PLCXD3: variants seen among roughly 807,000 people sequenced by gnomAD.
The protein encoded by PLCXD3 is PI-PLC X domain-containing protein 3.
In PLCXD3, 19 loss-of-function variants were observed where a neutral mutation model predicts 25.5. The ratio of observed to expected loss-of-function variants is 0.75; its 90% confidence interval spans 0.52 to 1.09. The LOEUF (loss-of-function observed/expected upper bound fraction) is 1.09, where lower values mean the gene tolerates loss of function less well. Among genes scored for constraint, PLCXD3 ranks in the 50% least tolerant of loss-of-function variants. The probability of loss-of-function intolerance (pLI) is 0.00; values close to 1 mark genes in which losing one functional copy is unlikely to be tolerated. For synonymous variants in PLCXD3, 174 were observed against 137.6 expected (o/e 1.26, Z -1.85); for missense variants, 411 against 388.1 (o/e 1.06, Z -0.50).
At chr5:41,460,996 T>C (rs13362509) in intron 1 of PLCXD3, among the ~76,000 whole-genome samples, 2,337 of 152,090 alleles carry the variant, frequency 0.015, 56 homozygotes, top group African/African-American at 0.054. Context: ...ATATTCTCAG[T>C]AGTGTTGAAT....
At chr5:41,424,611 C>A (rs1206286286) in intron 1 of PLCXD3, among the ~76,000 whole-genome samples, 1 of 152,278 alleles carries the variant, frequency 6.6e-6, no homozygotes, top group Non-Finnish European at 1.5e-5. Context: ...TTGATATCTA[C>A]TTTTGCTGTC....
intron 1 of PLCXD3, among the ~76,000 whole-genome samples, chr5:41,422,231 G>T (rs763649693): frequency 4.6e-5 from 7 of 152,114 alleles, no homozygotes; most frequent in Non-Finnish European, 8.8e-5. Flanking sequence ...ATCCCTGACT[G>T]TTTTTTCACA....
intron 1 of PLCXD3, among the ~76,000 whole-genome samples, chr5:41,478,861 G>C (rs894350457): frequency 2.0e-5 from 3 of 152,174 alleles, no homozygotes; most frequent in Non-Finnish European, 2.9e-5. Context: ...GGGGAAGCAA[G>C]CACCTTCTTC....
At chr5:41,342,256 TTAC>T (rs983576029) in intron 2 of PLCXD3, among the ~76,000 whole-genome samples, 5 of 152,220 alleles carry the variant, frequency 3.3e-5, no homozygotes, top group African/African-American at 1.2e-4. Flanking sequence ...TGCCAAATGG[TTAC>T]TGCCTGCCAG....
At chr5:41,454,141 C>T (rs1747698791) in intron 1 of PLCXD3, among the ~76,000 whole-genome samples, 1 of 151,924 alleles carries the variant, frequency 6.6e-6, no homozygotes, top group African/African-American at 2.4e-5. Context: ...AATGTCCATT[C>T]ACAACCTCAG....
chr5:41,399,723 C>T (rs1050220100), intron 1 of PLCXD3, among the ~76,000 whole-genome samples: 3 of 152,052 alleles, frequency 2.0e-5, no homozygotes, highest in African/African-American at 7.2e-5. Context: ...AAATCTAAGA[C>T]CTAAAACTAT....
intron 1 of PLCXD3, among the ~76,000 whole-genome samples, chr5:41,500,736 A>T (rs948284401): frequency 1.3e-5 from 2 of 151,928 alleles, no homozygotes; most frequent in Non-Finnish European, 2.9e-5. Context: ...AACTACATCT[A>T]ACTAAAAAGC....
chr5:41,389,604 G>A (rs1387478457), intron 1 of PLCXD3, among the ~76,000 whole-genome samples: 2 of 152,098 alleles, frequency 1.3e-5, no homozygotes, highest in Non-Finnish European at 2.9e-5. Flanking sequence ...CATGCATATG[G>A]GGATTCTGTC....
At chr5:41,424,548 A>G (rs1746906410) in intron 1 of PLCXD3, among the ~76,000 whole-genome samples, 1 of 152,224 alleles carries the variant, frequency 6.6e-6, no homozygotes, top group Admixed American at 6.5e-5. Flanking sequence ...TTCAAAAAAA[A>G]AATAGGTTGT....
intron 2 of PLCXD3, among the ~76,000 whole-genome samples, chr5:41,325,578 T>C (rs906434830): frequency 6.6e-6 from 1 of 152,192 alleles, no homozygotes; most frequent in African/African-American, 2.4e-5. Flanking sequence ...AAGAAAACAT[T>C]TTTTGTTTGG....
chr5:41,386,076 T>C (rs1294870735), intron 1 of PLCXD3, among the ~76,000 whole-genome samples: 1 of 152,098 alleles, frequency 6.6e-6, no homozygotes, highest in East Asian at 1.9e-4. Flanking sequence ...AATAGTTAAC[T>C]AATACAGGCC....
chr5:41,402,052 T>C (rs1746202007), intron 1 of PLCXD3, among the ~76,000 whole-genome samples: 1 of 151,958 alleles, frequency 6.6e-6, no homozygotes, highest in East Asian at 1.9e-4. Context: ...CCAGTTTTTG[T>C]GTCATTGTTT....
intron 2 of PLCXD3, among the ~76,000 whole-genome samples, chr5:41,321,485 G>C (rs1312005833): frequency 1.3e-5 from 2 of 152,150 alleles, no homozygotes; most frequent in East Asian, 1.9e-4. Context: ...AATCAATACT[G>C]TTAAAGTGTC....
intron 1 of PLCXD3, among the ~76,000 whole-genome samples, chr5:41,422,100 T>C (rs999609123): frequency 1.3e-5 from 2 of 152,210 alleles, no homozygotes; most frequent in African/African-American, 4.8e-5. Context: ...TTATTCTTAG[T>C]CTTTATAGAC....
chr5:41,454,440 G>A (rs1441899021), intron 1 of PLCXD3, among the ~76,000 whole-genome samples: 1 of 151,930 alleles, frequency 6.6e-6, no homozygotes, highest in African/African-American at 2.4e-5. Context: ...TCACAAGATG[G>A]CAGGTGCTAG....
At chr5:41,390,857 C>T (rs776918140) in intron 1 of PLCXD3, among the ~76,000 whole-genome samples, 1 of 152,198 alleles carries the variant, frequency 6.6e-6, no homozygotes, top group Non-Finnish European at 1.5e-5. Context: ...CCACTCTTCC[C>T]TACCCTGGCG....
chr5:41,363,538 T>G (rs2150485959), intron 2 of PLCXD3, among the ~76,000 whole-genome samples: 1 of 152,348 alleles, frequency 6.6e-6, no homozygotes, highest in East Asian at 1.9e-4. Flanking sequence ...GAGATGACTG[T>G]TCACTTATCC....
intron 2 of PLCXD3, among the ~76,000 whole-genome samples, chr5:41,361,095 G>T (rs879631425): frequency 2.0e-5 from 3 of 152,030 alleles, no homozygotes; most frequent in African/African-American, 7.2e-5. Context: ...TGTGGGGGAT[G>T]GGGGTGTGGA....
At chr5:41,461,259 T>G (rs1445912194) in intron 1 of PLCXD3, among the ~76,000 whole-genome samples, 1 of 151,978 alleles carries the variant, frequency 6.6e-6, no homozygotes, top group African/African-American at 2.4e-5. Context: ...AAGAGAATCC[T>G]AAGTTTAAAA....
Sources: allele counts gnomAD v4.1 joint callset (sites outside exome capture counted in the v4.1 genomes callset), GRCh38; gene constraint gnomAD v4.1.1; transcripts MANE v1.5; gene names NCBI Gene and HGNC (gene_info 2026-07-23, HGNC 2026-07-21).